Variants in KCNIP4 observed in about 807,000 individuals in gnomAD.
KCNIP4 encodes the protein Kv channel-interacting protein 4.
A neutral mutation model predicts 34.0 loss-of-function variants in KCNIP4; 12 were observed. The observed-to-expected ratio is 0.35, with a 90% CI of 0.23 to 0.57. The LOEUF (loss-of-function observed/expected upper bound fraction) is 0.57, where lower values mean the gene tolerates loss of function less well. Ranked by LOEUF, KCNIP4 falls within the 20% of genes least tolerant of loss-of-function variation. The pLI is 0.83. For missense variants in KCNIP4, 238 were observed against 311.7 expected, an observed-to-expected ratio of 0.76 and a Z score of 1.78; for synonymous variants, 124 against 102.2, an observed-to-expected ratio of 1.21 and a Z score of -1.29.
At chr4:20,734,197 G>A (rs1749043187) in intron 6 of KCNIP4, among the ~76,000 whole-genome samples, 1 of 152,158 alleles carries the variant, frequency 6.6e-6, no homozygotes, top group East Asian at 1.9e-4. Context: ...TGGATAGTCT[G>A]CCTCAACGTG....
intron 1 of KCNIP4, among the ~76,000 whole-genome samples, chr4:21,623,723 A>G (rs771877427): frequency 1.2e-4 from 18 of 145,920 alleles, no homozygotes; most frequent in Admixed American, 4.8e-4. Context: ...GCATCTCAGA[A>G]AAGCATTACC....
At chr4:21,166,716 A>T (rs1051703710) in intron 1 of KCNIP4, among the ~76,000 whole-genome samples, 1 of 152,096 alleles carries the variant, frequency 6.6e-6, no homozygotes, top group Non-Finnish European at 1.5e-5. Context: ...AGGCGGGCGG[A>T]TCACTTGAGG....
chr4:21,811,784 T>C (rs1721670867), intron 1 of KCNIP4, among the ~76,000 whole-genome samples: 4 of 152,172 alleles, frequency 2.6e-5, no homozygotes, highest in African/African-American at 9.7e-5. Context: ...GCATGATGCT[T>C]GACAGAATTT....
chr4:21,592,651 G>T (rs1337621709), intron 1 of KCNIP4, among the ~76,000 whole-genome samples: 1 of 152,034 alleles, frequency 6.6e-6, no homozygotes, highest in East Asian at 1.9e-4. Flanking sequence ...ATCATTGTAA[G>T]GCACGTGCTT....
intron 1 of KCNIP4, among the ~76,000 whole-genome samples, chr4:21,061,899 A>C (rs1472535611): frequency 2.0e-5 from 3 of 152,158 alleles, no homozygotes; most frequent in Non-Finnish European, 4.4e-5. Flanking sequence ...CAAAAACAAC[A>C]CATACAGAGG....
intron 1 of KCNIP4, among the ~76,000 whole-genome samples, chr4:21,915,147 A>T (rs1328286917): frequency 6.6e-6 from 1 of 152,116 alleles, no homozygotes; most frequent in Non-Finnish European, 1.5e-5. Context: ...TAACTACTCA[A>T]CTCTGCTGTT....
rs185892027 is a variant in KCNIP4, at chr4:20,864,109, T to C, written c.164-13442A>G. Among the ~76,000 whole-genome samples the C allele has an allele frequency of 3.1e-4, 44 of 144,174 alleles. No homozygotes were observed. The East Asian group carries it at 4.5e-3, about 15-fold the overall frequency. 94.6% of individuals were successfully genotyped at this position (144,174 alleles called of 152,430 possible). ...GTATATGCATGTATACGTATGTATG[T>C]ATACATATCCATGTATACACATGTA... On this transcript the variant is annotated intron_variant, in intron 2 of 8. Coordinates refer to ENST00000382152, the MANE Select transcript of KCNIP4 (RefSeq NM_025221.6).
At chr4:21,048,831 G>GGGGCC (rs1742656804) in intron 1 of KCNIP4, among the ~76,000 whole-genome samples, 1 of 152,076 alleles carries the variant, frequency 6.6e-6, no homozygotes, top group Non-Finnish European at 1.5e-5. Flanking sequence ...TCTTCCTAGT[G>GGGGCC]GGGCCTATCC....
At chr4:20,736,029 C>G (rs1349215986) in intron 5 of KCNIP4, among the ~76,000 whole-genome samples, 1 of 152,078 alleles carries the variant, frequency 6.6e-6, no homozygotes, top group African/African-American at 2.4e-5. Context: ...AATGTTTTTT[C>G]TTTTTTAAAT....
chr4:20,914,089 G>A (rs1459183624), intron 1 of KCNIP4, among the ~76,000 whole-genome samples: 2 of 151,974 alleles, frequency 1.3e-5, no homozygotes, highest in Non-Finnish European at 2.9e-5. Context: ...CCCGGGAGGA[G>A]GAGGTTGCAG....
rs182860890 is a variant in KCNIP4, at chr4:20,831,956, T to C, written c.288+18587A>G. 2.9e-3 allele frequency among the ~76,000 whole-genome samples: 435 copies of C among 152,308 alleles called. 1 individual carries two copies. The highest frequency in any genetic ancestry group is 5.2e-3 in the Non-Finnish European group (351 of 68,028). On this transcript the variant is annotated intron_variant, in intron 3 of 8. Transcript: ENST00000382152. Reference sequence around the variant, plus strand: ...ACCACTGTGGCCAACATACGGGAACTCAGGCAACTAAAATAATTACAGACC... The same window carrying C: ...ACCACTGTGGCCAACATACGGGAACCCAGGCAACTAAAATAATTACAGACC...
intron 1 of KCNIP4, among the ~76,000 whole-genome samples, chr4:21,057,028 T>C (rs1743468075): frequency 6.6e-6 from 1 of 152,182 alleles, no homozygotes; most frequent in Non-Finnish European, 1.5e-5. Context: ...TAACAATATA[T>C]TCCTACATTT....
At chr4:21,643,951 G>A (rs1365552541) in intron 1 of KCNIP4, among the ~76,000 whole-genome samples, 1 of 151,998 alleles carries the variant, frequency 6.6e-6, no homozygotes, top group Non-Finnish European at 1.5e-5. Context: ...TATCCTACTG[G>A]TTGTGGCCCT....
intron 1 of KCNIP4, among the ~76,000 whole-genome samples, chr4:21,078,859 G>A (rs1381355553): frequency 1.3e-5 from 2 of 152,006 alleles, no homozygotes; most frequent in Non-Finnish European, 2.9e-5. Flanking sequence ...CTGGGGAGGC[G>A]AATTATTTAT....
chr4:20,912,823 C>CAAAAATATATTTAAAT (rs1728454951), intron 1 of KCNIP4, among the ~76,000 whole-genome samples: 1 of 152,040 alleles, frequency 6.6e-6, no homozygotes, highest in African/African-American at 2.4e-5. Flanking sequence ...AAATCAAAAT[C>CAAAAATATATTTAAAT]ACAAGAGACC....
intron 3 of KCNIP4, among the ~76,000 whole-genome samples, chr4:20,814,172 C>G (rs751916071): frequency 7.2e-5 from 11 of 152,144 alleles, no homozygotes; most frequent in Non-Finnish European, 1.5e-4. Context: ...CTCCCAGGTC[C>G]CATCCCAGGA....
chr4:21,641,621 A>G lies in KCNIP4; in HGVS notation c.61+306950T>C, dbSNP rs570062404. Among the ~76,000 whole-genome samples, 4 of 152,284 alleles carry G rather than the reference A, an allele frequency of 2.6e-5. No individual in the cohort carries two copies. The South Asian group carries it at 8.3e-4, about 32-fold the overall frequency. ...CTCTGAATGGGTGAAAATCATGAAGATATTTGTGTGCCATGTGAATGCTAA... is the reference window on the plus strand; with the variant it reads ...CTCTGAATGGGTGAAAATCATGAAGGTATTTGTGTGCCATGTGAATGCTAA... On this transcript the variant is annotated intron_variant, in intron 1 of 8. Transcript: ENST00000382152.
intron 1 of KCNIP4, among the ~76,000 whole-genome samples, chr4:21,158,774 G>A (rs1753352867): frequency 6.6e-6 from 1 of 151,978 alleles, no homozygotes; most frequent in African/African-American, 2.4e-5. Flanking sequence ...GTATAGTGCA[G>A]ATTCTAGCCA....
intron 1 of KCNIP4, among the ~76,000 whole-genome samples, chr4:21,382,336 A>G (rs1721582645): frequency 6.6e-6 from 1 of 152,190 alleles, no homozygotes; most frequent in Non-Finnish European, 1.5e-5. Flanking sequence ...TTTAAGCAGG[A>G]CAGTGATCTG....
Sources: gnomAD v4.1 joint callset for allele counts (sites outside exome capture counted in the v4.1 genomes callset) on GRCh38, gnomAD v4.1.1 for gene constraint, MANE v1.5 for transcripts, NCBI Gene and HGNC (gene_info 2026-07-23, HGNC 2026-07-21) for gene names.